Variants in BCL7C observed in about 807,000 individuals in gnomAD.
BCL7C encodes B-cell CLL/lymphoma 7 protein family member C.
In BCL7C, 8 loss-of-function variants were observed where a neutral mutation model predicts 26.2. The observed-to-expected ratio is 0.30, with a 90% CI of 0.18 to 0.55. The LOEUF (loss-of-function observed/expected upper bound fraction) is 0.55, where lower values mean the gene tolerates loss of function less well. Ranked by LOEUF, BCL7C falls within the 20% of genes least tolerant of loss-of-function variation. BCL7C has a pLI of 0.93. For synonymous variants in BCL7C, 90 were observed against 116.5 expected (o/e 0.77, Z 1.47); for missense variants, 262 against 298.5 (o/e 0.88, Z 0.90).
chr16:30,877,176 AC>A (rs1421960178), intron 5 of BCL7C, among the ~76,000 whole-genome samples: 1 of 150,112 alleles, frequency 6.7e-6, no homozygotes, highest in Non-Finnish European at 1.5e-5. Context: ...TGCACCCCCT[AC>A]CCCCCTACCC....
At chr16:30,845,282 A>G (rs2054627087) in intron 5 of BCL7C, among the ~76,000 whole-genome samples, 1 of 152,170 alleles carries the variant, frequency 6.6e-6, no homozygotes, top group Non-Finnish European at 1.5e-5. Context: ...CACCAAGCGC[A>G]CTTTATCTAA....
At chr16:30,861,557 C>T (rs1206014991) in intron 5 of BCL7C, among the ~76,000 whole-genome samples, 1 of 152,186 alleles carries the variant, frequency 6.6e-6, no homozygotes, top group Non-Finnish European at 1.5e-5. Flanking sequence ...CAGCCACTGC[C>T]AGAGACCCTG....
intron 5 of BCL7C, among the ~76,000 whole-genome samples, chr16:30,874,058 C>T (rs1182313670): frequency 4.2e-5 from 6 of 143,774 alleles, no homozygotes; most frequent in South Asian, 4.5e-4. Context: ...TGCAGTGGTG[C>T]GATCTTGGCT....
chr16:30,874,433 A>G (rs2054916995), intron 5 of BCL7C, among the ~76,000 whole-genome samples: 2 of 152,206 alleles, frequency 1.3e-5, no homozygotes, highest in South Asian at 2.1e-4. Context: ...CCTGGACAAC[A>G]TAGCGAGATC....
rs960149910 is a variant in BCL7C at position 30,859,946 on chromosome 16, C to T, written c.529-24798G>A. Among the ~76,000 whole-genome samples the T allele has an allele frequency of 7.2e-5, 11 of 152,338 alleles. 1 individual carries two copies. The highest frequency in any genetic ancestry group is 6.8e-3 in the Middle Eastern group (2 of 294). ...CAGTCCCCTGTCCTTGCCCTCACTC[C>T]GTGAGGAGATCCACCTACGACCTTG... On this transcript the variant is annotated intron_variant, in intron 5 of 5. Coordinates refer to the BCL7C transcript ENST00000380317.
chr16:30,880,278 G>A (rs899253495), intron 5 of BCL7C, among the ~76,000 whole-genome samples: 2 of 151,592 alleles, frequency 1.3e-5, no homozygotes, highest in Non-Finnish European at 2.9e-5. Flanking sequence ...GAGCCCAGGA[G>A]TTCAAGACCA....
exon 6 of BCL7C, chr16:30,835,056 C>T (rs1446837499): frequency 7.7e-6 from 12 of 1,548,816 alleles, no homozygotes; most frequent in Non-Finnish European, 1.0e-5. Context: ...GGACATTTGT[C>T]CGGAGGCCCC....
intron 5 of BCL7C, among the ~76,000 whole-genome samples, chr16:30,877,169 A>AC (rs1403100920): frequency 6.6e-6 from 1 of 151,866 alleles, no homozygotes; most frequent in Non-Finnish European, 1.5e-5. Flanking sequence ...AGTGTTCTGC[A>AC]CCCCCTACCC....
chr16:30,840,378 TG>T, intron 5 of BCL7C, among the ~76,000 whole-genome samples: 1 of 152,076 alleles, frequency 6.6e-6, no homozygotes, highest in Middle Eastern at 3.4e-3. Flanking sequence ...CCACCATGCA[TG>T]GCTAATTTTT....
intron 5 of BCL7C, chr16:30,851,683 G>T: frequency 1.4e-6 from 1 of 721,472 alleles, no homozygotes; most frequent in African/African-American, 1.8e-5. Context: ...CAGATGTAAT[G>T]GTTTCACTGG....
chr16:30,843,664 G>C (rs1249695485), intron 5 of BCL7C, among the ~76,000 whole-genome samples: 1 of 152,026 alleles, frequency 6.6e-6, no homozygotes, highest in Non-Finnish European at 1.5e-5. Flanking sequence ...TGGATCTCAA[G>C]CACCACACAG....
intron 5 of BCL7C, chr16:30,851,144 C>A: frequency 3.8e-6 from 1 of 263,940 alleles, no homozygotes. Flanking sequence ...TTCGTTTTCC[C>A]TGCAAAACTG....
At chr16:30,876,582 A>G (rs2143050420) in intron 5 of BCL7C, among the ~76,000 whole-genome samples, 1 of 152,256 alleles carries the variant, frequency 6.6e-6, no homozygotes, top group East Asian at 1.9e-4. Flanking sequence ...TAGCAGGGGA[A>G]GTGAGATGAA....
intron 5 of BCL7C, 39 bp downstream of exon 5, chr16:30,888,821 C>T: frequency 6.2e-7 from 1 of 1,602,842 alleles, no homozygotes; most frequent in Non-Finnish European, 8.5e-7. Context: ...CCCCCATTCC[C>T]TCCAAGACCC....
chr16:30,846,140 C>T (rs1171613907), intron 5 of BCL7C, among the ~76,000 whole-genome samples: 2 of 150,656 alleles, frequency 1.3e-5, no homozygotes, highest in African/African-American at 2.4e-5. Context: ...ATCCTTCAGC[C>T]TCAGCCTCCT....
intron 5 of BCL7C, among the ~76,000 whole-genome samples, chr16:30,850,360 CTATT>C (rs1221999339): frequency 1.3e-5 from 2 of 152,106 alleles, no homozygotes; most frequent in Middle Eastern, 3.2e-3. Flanking sequence ...TACTTACAAA[CTATT>C]TATCTTTGAG....
At chr16:30,848,169 C>T (rs2151362247) in intron 5 of BCL7C, among the ~76,000 whole-genome samples, 1 of 152,250 alleles carries the variant, frequency 6.6e-6, no homozygotes, top group East Asian at 1.9e-4. Flanking sequence ...CAGATCTTTC[C>T]TGGTAATCAC....
chr16:30,880,692 G>C (rs1008031451), intron 5 of BCL7C, among the ~76,000 whole-genome samples: 1 of 151,994 alleles, frequency 6.6e-6, no homozygotes, highest in Non-Finnish European at 1.5e-5. Context: ...TTTTGTTCTG[G>C]TTTTATTTTT....
intron 5 of BCL7C, among the ~76,000 whole-genome samples, chr16:30,888,497 C>G (rs1213317676): frequency 1.3e-5 from 2 of 151,950 alleles, no homozygotes; most frequent in African/African-American, 4.8e-5. Context: ...CCACCACGCC[C>G]GGCTAATTTT....
Sources: allele counts gnomAD v4.1 joint callset (sites outside exome capture counted in the v4.1 genomes callset), GRCh38; gene constraint gnomAD v4.1.1; transcripts MANE v1.5; gene names NCBI Gene and HGNC (gene_info 2026-07-23, HGNC 2026-07-21).